MYH11: variants seen among roughly 807,000 people sequenced by gnomAD.
The protein encoded by MYH11 is myosin-11.
Under a neutral mutation model 246.6 loss-of-function variants are expected in MYH11, and 80 were observed. The observed-to-expected ratio is 0.32, with a 90% CI of 0.27 to 0.39. The LOEUF is 0.39. Ranked by LOEUF, MYH11 falls within the 10% of genes least tolerant of loss-of-function variation. MYH11 has a pLI of 1.00. For synonymous variants in MYH11, 1,071 were observed against 1,015.5 expected (o/e 1.05, Z -1.04); for missense variants, 2,158 against 2,546.8 (o/e 0.85, Z 3.29).
rs574461387 is a variant in MYH11, at chr16:15,717,385, G to T, written c.5296-37C>A. ...AGTGAAGGCCATGAGGCGGACTCAG[G>T]GAAGCCCAAGAGAGCGCACTGAGAC... On this transcript the variant is annotated intron_variant, in intron 37 of 40. Coordinates refer to ENST00000300036, the MANE Select transcript of MYH11 (RefSeq NM_002474.3). The T allele has an allele frequency of 1.9e-6, 3 of 1,599,308 alleles. No individual in the cohort carries two copies. The East Asian group carries it at 6.7e-5, about 36-fold the overall frequency.
At chr16:15,756,849 G>A (rs73504419) in intron 13 of MYH11, among the ~76,000 whole-genome samples, 9,547 of 147,272 alleles carry the variant, frequency 0.065, 1,068 homozygotes, top group African/African-American at 0.23. Context: ...CCAGGCAGAC[G>A]GTGCAGTGGC....
chr16:15,853,933 A>G (rs2151400133), intron 1 of MYH11, among the ~76,000 whole-genome samples: 1 of 152,284 alleles, frequency 6.6e-6, no homozygotes, highest in Middle Eastern at 3.4e-3. Flanking sequence ...CAGGAGGCTG[A>G]GGCTGGAGAA....
At position 15,805,806 on chromosome 16, in the gene MYH11, C is replaced by T. The variant is rs572456823; in HGVS notation, c.503-7119G>A. ...GGCACAATCCCTGTGGTCTCAGCTA[C>T]TCAAGAGGCTGAGGTGGGACAATGG... is the stretch of plus-strand genomic sequence containing the variant. On this transcript the variant is annotated intron_variant, in intron 3 of 40. Transcript: ENST00000300036. Among the ~76,000 whole-genome samples, 3 of 152,246 alleles carry T rather than the reference C, an allele frequency of 2.0e-5. No individual in the cohort carries two copies. The East Asian group carries it at 5.8e-4, about 29-fold the overall frequency.
rs2041780176 is a variant in MYH11, at chr16:15,758,152, A to C, written c.1402-152T>G. ...ACCCAGACAGGGCTGAGGCCCCAAA[A>C]CATGCTGCCTAGAGTCCACCAGGGC... On this transcript the variant is annotated intron_variant, in intron 12 of 40. Coordinates refer to ENST00000300036, the MANE Select transcript of MYH11 (RefSeq NM_002474.3). 5 of 1,130,994 alleles carry C rather than the reference A, an allele frequency of 4.4e-6. No individual in the cohort carries two copies. In the South Asian group the frequency reaches 5.1e-5, roughly 12 times the overall value. 70.1% of individuals were successfully genotyped at this position (1,130,994 alleles called of 1,614,324 possible). A position where few individuals can be genotyped will look rare whatever the true frequency, so the allele number is the denominator to read the frequency against.
intron 40 of MYH11, among the ~76,000 whole-genome samples, chr16:15,712,122 C>T (rs1267361270): frequency 6.6e-6 from 1 of 152,188 alleles, no homozygotes; most frequent in Non-Finnish European, 1.5e-5. Flanking sequence ...ATCATTTTAG[C>T]TGCTGAGCTG....
At chr16:15,806,252 G>A (rs74477225) in intron 3 of MYH11, among the ~76,000 whole-genome samples, 4,719 of 129,618 alleles carry the variant, frequency 0.036, 242 homozygotes, top group African/African-American at 0.13. Flanking sequence ...ACTCCAGCCC[G>A]GGCGAGTGCA....
Position 15,840,875 on chromosome 16 carries a change from C to T in MYH11, c.-17-2606G>A, listed in dbSNP as rs569407698. Among the ~76,000 whole-genome samples, 5 of 152,218 alleles carry T rather than the reference C, an allele frequency of 3.3e-5. No individual in the cohort carries two copies. In the South Asian group the frequency reaches 8.3e-4, roughly 25 times the overall value. On this transcript the variant is annotated intron_variant, in intron 1 of 40. Transcript: ENST00000300036. ...AAAAAAACTTGAATTTGTTTTAAAT[C>T]GGTGAGTTTTACTTTATATAGATTA...
chr16:15,716,084 G>C (rs967634145), intron 38 of MYH11, among the ~76,000 whole-genome samples: 2 of 152,088 alleles, frequency 1.3e-5, no homozygotes, highest in Non-Finnish European at 2.9e-5. Flanking sequence ...CTGGGAAACA[G>C]AGTGAGACTA....
chr16:15,799,369 G>C (rs1422848259), intron 3 of MYH11, among the ~76,000 whole-genome samples: 2 of 152,186 alleles, frequency 1.3e-5, no homozygotes, highest in Non-Finnish European at 2.9e-5. Flanking sequence ...CCCTGAGGCA[G>C]ACTTCCTTTC....
At position 15,704,101 on chromosome 16, in the gene MYH11, C is replaced by T. The variant is rs756122406; in HGVS notation, c.5809G>A (p.Val1937Ile). 6.8e-6 allele frequency: 11 copies of T among 1,613,890 alleles called. No individual in the cohort carries two copies. In the Admixed American group the frequency reaches 8.3e-5, roughly 12 times the overall value. Residue 1937 changes from valine (V) to isoleucine (I), a missense_variant, in exon 41 of 41, where the codon GTT becomes ATT. By Grantham distance (29) the Val-to-Ile change is conservative (BLOSUM62 3). Coordinates refer to ENST00000300036, the MANE Select transcript of MYH11 (RefSeq NM_002474.3). ...KLRRGNETSF[V>I]PSRRSGGRRV... is the part of the protein sequence containing the mutation. Reference sequence around the variant, plus strand: ...CGTCCTCCAGACCTTCTAGAAGGAACGAAAGAGGTCTCGTTTCCTCGCCTG... The same window carrying T: ...CGTCCTCCAGACCTTCTAGAAGGAATGAAAGAGGTCTCGTTTCCTCGCCTG...
chr16:15,769,514 G>A (rs1001015972), intron 9 of MYH11, among the ~76,000 whole-genome samples: 1 of 150,552 alleles, frequency 6.6e-6, no homozygotes, highest in African/African-American at 2.5e-5. Flanking sequence ...CTGCAGCTTC[G>A]ACCTCCTGGG....
At chr16:15,786,941 C>T (rs899507984) in intron 4 of MYH11, among the ~76,000 whole-genome samples, 4 of 152,154 alleles carry the variant, frequency 2.6e-5, no homozygotes, top group Non-Finnish European at 4.4e-5. Context: ...CAATCTATTC[C>T]TTCCAAGAGG....
chr16:15,785,050 A>G (rs537084009), intron 5 of MYH11: 24 of 180,834 alleles, frequency 1.3e-4, no homozygotes, highest in African/African-American at 4.5e-4. Flanking sequence ...GGGTCTCACT[A>G]TGTCACCCAG....
Position 15,748,072 on chromosome 16 carries a change from T to C in MYH11, c.2155A>G (p.Ile719Val), listed in dbSNP as rs754008415. The change falls in exon 17 of 41, where the codon ATC (isoleucine) becomes GTC (valine). Residue 719 changes from isoleucine (I) to valine (V), a missense_variant. Ile to Val is a conservative substitution (Grantham distance 29). This residue lies in a region of MYH11 where 317 missense variants were observed against 507.7 expected (regional missense o/e 0.62). Transcript: ENST00000300036. ...CGTTGGCGGAACTCCTGGAAGACGA[T>C]CCGGTTGGGGAAGCCCTGCCGGCAG... Reference protein sequence around the residue: ...RICRQGFPNRIVFQEFRQRYE... With the variant: ...RICRQGFPNRVVFQEFRQRYE... The C allele has an allele frequency of 3.1e-6, 5 of 1,614,056 alleles. No homozygotes were observed. In the Admixed American group the frequency reaches 8.3e-5, roughly 27 times the overall value.
At chr16:15,723,182 T>C (rs1657050266) in intron 31 of MYH11, among the ~76,000 whole-genome samples, 1 of 152,226 alleles carries the variant, frequency 6.6e-6, no homozygotes, top group South Asian at 2.1e-4. Context: ...TTAAGATTTG[T>C]GAATCTCATC....
chr16:15,756,131 T>A (rs1200295763), intron 14 of MYH11, among the ~76,000 whole-genome samples: 3 of 152,188 alleles, frequency 2.0e-5, no homozygotes, highest in African/African-American at 7.2e-5. Flanking sequence ...TGTCTGGACG[T>A]CACGGTTGGA....
chr16:15,707,468 C>A (rs1241737597), intron 40 of MYH11, among the ~76,000 whole-genome samples: 1 of 152,204 alleles, frequency 6.6e-6, no homozygotes, highest in African/African-American at 2.4e-5. Flanking sequence ...TGGAATTTGG[C>A]TTATCCTATG....
At chr16:15,853,398 C>T (rs140704052) in intron 1 of MYH11, among the ~76,000 whole-genome samples, 9 of 152,076 alleles carry the variant, frequency 5.9e-5, no homozygotes, top group African/African-American at 1.4e-4. Context: ...GCCATCCCCC[C>T]ACCTCAGCCT....
chr16:15,724,358 G>A lies in MYH11; in HGVS notation c.4168C>T (p.Leu1390=), dbSNP rs1469373877. 1.2e-6 allele frequency: 2 copies of A among 1,614,096 alleles called. No individual in the cohort carries two copies. Among genetic ancestry groups the A allele is most frequent in the Non-Finnish European group, 1.7e-6 (2 of 1,180,032 alleles). The change falls in exon 31 of 41, where the codon CTG becomes TTG. Residue 1390 remains leucine (L), a synonymous_variant. Coordinates refer to ENST00000300036, the MANE Select transcript of MYH11 (RefSeq NM_002474.3). ...TGGAACCTCTTCTTCCCCTCTTCCA[G>A]AGCTTCCACGGTGCTGGCAAAGTCC... ...LQDFASTVEA[L]EEGKKRFQKE...
Sources: gnomAD v4.1 joint callset for allele counts (sites outside exome capture counted in the v4.1 genomes callset) on GRCh38, gnomAD v4.1.1 for gene constraint, gnomAD v4.1.1 regional missense constraint, MANE v1.5 for transcripts, NCBI Gene and HGNC (gene_info 2026-07-23, HGNC 2026-07-21) for gene names.